Variants in XKR9 observed in about 807,000 individuals in gnomAD.
XKR9 encodes XK-related protein 9.
Under a neutral mutation model 32.0 loss-of-function variants are expected in XKR9, and 32 were observed. The ratio of observed to expected loss-of-function variants is 1.00; its 90% CI spans 0.76 to 1.34. XKR9 has a LOEUF of 1.34. Ranked by LOEUF, XKR9 falls within the 40% of genes most tolerant of loss-of-function variation. XKR9 has a pLI of 0.00. For missense variants in XKR9, 546 were observed against 429.7 expected, an observed-to-expected ratio of 1.27 and a Z score of -2.39; for synonymous variants, 168 against 143.4, an observed-to-expected ratio of 1.17 and a Z score of -1.22.
chr8:71,011,057 T>C, the XKR9 span, among the ~76,000 whole-genome samples: 1 of 152,168 alleles, frequency 6.6e-6, no homozygotes, highest in East Asian at 1.9e-4. Flanking sequence ...TGACACAATA[T>C]TGAAAATGTG....
the XKR9 span, among the ~76,000 whole-genome samples, chr8:71,020,780 C>G: frequency 2.0e-5 from 3 of 152,172 alleles, no homozygotes; most frequent in Admixed American, 6.5e-5. Flanking sequence ...GTCTTCCCTT[C>G]TAGCTATTTT....
At chr8:70,858,980 G>A in the XKR9 span, among the ~76,000 whole-genome samples, 1 of 152,002 alleles carries the variant, frequency 6.6e-6, no homozygotes, top group South Asian at 2.1e-4. Context: ...AAAAACACAG[G>A]CAATTGAGGC....
downstream of XKR9, among the ~76,000 whole-genome samples, chr8:70,794,954 G>A (rs747711981): frequency 5.9e-5 from 9 of 151,654 alleles, no homozygotes; most frequent in South Asian, 2.1e-4. Flanking sequence ...AAGAATTAAC[G>A]TTAATTATTC....
chr8:70,885,169 C>T, the XKR9 span, among the ~76,000 whole-genome samples: 33 of 151,336 alleles, frequency 2.2e-4, no homozygotes, highest in Admixed American at 2.2e-3. Flanking sequence ...ATTTCAATTT[C>T]TAATTATTTA....
the XKR9 span, among the ~76,000 whole-genome samples, chr8:70,912,246 C>T: frequency 6.6e-6 from 1 of 152,022 alleles, no homozygotes; most frequent in Non-Finnish European, 1.5e-5. Flanking sequence ...TGCTTGAAAA[C>T]ATTTTGTGAC....
chr8:71,047,470 C>A, the XKR9 span, among the ~76,000 whole-genome samples: 1 of 152,202 alleles, frequency 6.6e-6, no homozygotes, highest in Non-Finnish European at 1.5e-5. Flanking sequence ...AAACCACCTC[C>A]TCTGTGTCCA....
At chr8:70,985,883 A>G in the XKR9 span, among the ~76,000 whole-genome samples, 7 of 152,308 alleles carry the variant, frequency 4.6e-5, no homozygotes, top group African/African-American at 1.4e-4. Context: ...TCTAATAAAC[A>G]TAATTATAAT....
the XKR9 span, among the ~76,000 whole-genome samples, chr8:70,887,269 T>G: frequency 6.6e-6 from 1 of 152,184 alleles, no homozygotes; most frequent in African/African-American, 2.4e-5. Context: ...TCTGTTCTGT[T>G]CCATTGGTCT....
chr8:70,697,302 A>G (rs1240776107), intron 3 of XKR9, among the ~76,000 whole-genome samples: 1 of 151,194 alleles, frequency 6.6e-6, no homozygotes, highest in African/African-American at 2.4e-5. Flanking sequence ...CCCATTCAGT[A>G]TGATATTGGC....
intron 2 of XKR9, among the ~76,000 whole-genome samples, chr8:70,782,046 C>G (rs1444978375): frequency 6.6e-6 from 1 of 152,164 alleles, no homozygotes; most frequent in Non-Finnish European, 1.5e-5. Flanking sequence ...CCCAAATGTC[C>G]TGAGTAAAGT....
chr8:70,749,274 G>A (rs955585566), intron 2 of XKR9, among the ~76,000 whole-genome samples: 1 of 152,146 alleles, frequency 6.6e-6, no homozygotes, highest in Non-Finnish European at 1.5e-5. Context: ...ATACAAACGG[G>A]GCTGAAACAT....
chr8:70,858,455 T>C, the XKR9 span, among the ~76,000 whole-genome samples: 8 of 151,290 alleles, frequency 5.3e-5, no homozygotes, highest in Non-Finnish European at 7.4e-5. Context: ...CACCACTCAA[T>C]GAAATAAAAG....
the XKR9 span, among the ~76,000 whole-genome samples, chr8:70,941,136 T>A: frequency 1.3e-5 from 2 of 151,970 alleles, no homozygotes; most frequent in Admixed American, 1.3e-4. Flanking sequence ...CTCCTACTAG[T>A]CCTTGGCAAC....
the XKR9 span, among the ~76,000 whole-genome samples, chr8:70,898,864 T>G: frequency 3.2e-4 from 49 of 152,300 alleles, 1 homozygote; most frequent in Middle Eastern, 3.4e-3. Context: ...CTGTGTTTTC[T>G]GATGAGAGTT....
At chr8:70,950,679 GT>G in the XKR9 span, among the ~76,000 whole-genome samples, 57,725 of 151,610 alleles carry the variant, frequency 0.38, 12,869 homozygotes, top group Non-Finnish European at 0.51. Context: ...TCTATTCTTT[GT>G]TTTTTTCTTT....
intron 4 of XKR9, among the ~76,000 whole-genome samples, chr8:70,717,050 T>C (rs903555039): frequency 3.3e-5 from 5 of 152,352 alleles, no homozygotes; most frequent in African/African-American, 1.2e-4. Flanking sequence ...TGACTTCATG[T>C]CTCACATTCA....
At chr8:70,776,417 G>T (rs748154697) in intron 2 of XKR9, among the ~76,000 whole-genome samples, 1 of 151,736 alleles carries the variant, frequency 6.6e-6, no homozygotes, top group East Asian at 1.9e-4. Flanking sequence ...TCTGTTTTTT[G>T]GTATAAGCCA....
chr8:70,684,143 T>TTTGTTGG (rs1480451329), intron 3 of XKR9, among the ~76,000 whole-genome samples: 83 of 152,278 alleles, frequency 5.5e-4, no homozygotes, highest in Admixed American at 2.6e-3. Context: ...GTAGATTTTA[T>TTTGTTGG]TTCTCTTGCT....
chr8:70,766,731 G>A (rs571745165), intron 2 of XKR9, among the ~76,000 whole-genome samples: 41 of 152,150 alleles, frequency 2.7e-4, no homozygotes, highest in Non-Finnish European at 5.0e-4. Context: ...TTGGCTGTGG[G>A]TTTGTCATAA....
Sources: allele counts gnomAD v4.1 joint callset (sites outside exome capture counted in the v4.1 genomes callset), GRCh38; gene constraint gnomAD v4.1.1; transcripts MANE v1.5; gene names NCBI Gene and HGNC (gene_info 2026-07-23, HGNC 2026-07-21).